The following CUX1 variants were observed in gnomAD, a reference collection of about 807,000 sequenced individuals.
The protein encoded by CUX1 is cut like homeobox 1, also known as protein CASP.
CUX1 carries 31 observed loss-of-function variants against 158.8 expected under a neutral mutation model. The ratio of observed to expected loss-of-function variants is 0.20; its 90% CI spans 0.15 to 0.26. The LOEUF is 0.26. CUX1 is among the 10% of genes least tolerant of loss of function. The pLI, the probability that CUX1 is intolerant of heterozygous loss-of-function variation, is 1.00. For synonymous variants in CUX1, 879 were observed against 862.1 expected (o/e 1.02, Z -0.34); for missense variants, 1,589 against 2,014.6 (o/e 0.79, Z 4.04).
At chr7:101,942,711 C>T (rs1421691760) in intron 2 of CUX1, among the ~76,000 whole-genome samples, 1 of 152,244 alleles carries the variant, frequency 6.6e-6, no homozygotes, top group African/African-American at 2.4e-5. Context: ...AAGTGATCCC[C>T]CTGCGTCGAC....
At chr7:102,169,880 C>CATT (rs1554509939) in intron 9 of CUX1, among the ~76,000 whole-genome samples, 1 of 152,220 alleles carries the variant, frequency 6.6e-6, no homozygotes, top group Non-Finnish European at 1.5e-5. Flanking sequence ...CCAGGATCAG[C>CATT]ATTCAAAACA....
intron 7 of CUX1, 54 bp from the exon 8 acceptor site, chr7:102,115,153 G>T: frequency 6.9e-7 from 1 of 1,446,218 alleles, no homozygotes; most frequent in Non-Finnish European, 9.7e-7. Flanking sequence ...GATTACCTGT[G>T]TATGCATTCT....
At chr7:102,176,390 A>G (rs1792337856) in intron 10 of CUX1, among the ~76,000 whole-genome samples, 1 of 152,076 alleles carries the variant, frequency 6.6e-6, no homozygotes, top group African/African-American at 2.4e-5. Flanking sequence ...GAGGGGGGAC[A>G]GCGGCAAGGA....
intron 11 of CUX1, chr7:102,188,531 G>A (rs1793885243): frequency 6.6e-6 from 1 of 152,222 alleles, no homozygotes; most frequent in African/African-American, 2.4e-5. Context: ...ATCAGGCTGG[G>A]TGGGGTGGCT....
chr7:102,278,662 T>TAAAATAAAATAAA (rs1791803529), intron 18 of CUX1, among the ~76,000 whole-genome samples: 5 of 93,710 alleles, frequency 5.3e-5, no homozygotes, highest in African/African-American at 1.8e-4. Context: ...AATAAAAAAA[T>TAAAATAAAATAAA]AAAATAAAAT....
rs10259347 is a variant in CUX1, at chr7:102,254,241, A to G, written c.*5199A>G. The G allele has an allele frequency of 2.7e-3, 2,634 of 985,312 alleles. 60 individuals are homozygous for G. The African/African-American group carries it at 0.043, about 16-fold the overall frequency. The allele number at this position is 985,312 out of a possible 1,614,324, so 61.0% of individuals were successfully genotyped here. ...CTTTGGTCCGCCTTCCTTTCTGTCC[A>G]GTCCTGCTCAGCTGTTAAGATCCAT... is the stretch of plus-strand genomic sequence containing the variant. On this transcript the variant is annotated 3_prime_UTR_variant, in exon 24 of 24. Transcript: ENST00000292535.
chr7:102,282,987 A>C (rs1792222500), intron 22 of CUX1: 3 of 1,475,046 alleles, frequency 2.0e-6, no homozygotes, highest in Non-Finnish European at 2.8e-6. Context: ...CAACACACAC[A>C]CTCGGCCTCA....
rs146768072 is a variant in CUX1, at chr7:102,054,784, A to C, written c.190-15555A>C. On this transcript the variant is annotated intron_variant, in intron 3 of 23. Transcript: ENST00000292535. ...ATAATTCAAGACCAGCCTGGACAAT[A>C]TAATGAGATCTCATCTCTACAAGAA... Among the ~76,000 whole-genome samples the C allele has an allele frequency of 2.3e-3, 354 of 152,278 alleles. 2 individuals carry two copies. Among genetic ancestry groups the C allele is most frequent in the African/African-American group, 8.2e-3 (342 of 41,548 alleles).
chr7:102,249,762 AC>A lies in CUX1; in HGVS notation c.*721del. 1.0e-6 allele frequency: 1 copy of A among 985,820 alleles called. No individual in the cohort carries two copies. Among genetic ancestry groups the A allele is most frequent in the Non-Finnish European group, 1.2e-6 (1 of 829,898 alleles). 61.1% of individuals were successfully genotyped at this position (985,820 alleles called of 1,614,324 possible). ...GCCACTAAGAGATTGCACAGTCAAA[AC>A]GACTCTAAACACACTAGTTTGGATT... is the stretch of plus-strand genomic sequence containing the variant. On this transcript the variant is annotated 3_prime_UTR_variant, in exon 24 of 24. Transcript: ENST00000292535.
Position 101,820,643 on chromosome 7 carries a change from C to T in CUX1, c.30+2974C>T, listed in dbSNP as rs536741369. On this transcript the variant is annotated intron_variant, in intron 1 of 23. Transcript: ENST00000292535. The stretch of plus-strand genomic sequence containing the variant: ...TGTCCTTTTGTTTTGTCTGAAGCCC[C>T]GCGTTATCGCTGCAGAGAGAGAGTT... 5.9e-5 allele frequency among the ~76,000 whole-genome samples: 9 copies of T among 152,304 alleles called. No individual in the cohort carries two copies. In the South Asian group the frequency reaches 1.4e-3, roughly 25 times the overall value.
intron 2 of CUX1, among the ~76,000 whole-genome samples, chr7:101,992,549 G>T (rs1006313189): frequency 6.6e-6 from 1 of 152,142 alleles, no homozygotes; most frequent in Non-Finnish European, 1.5e-5. Flanking sequence ...CAAGTTGGGT[G>T]GGGGAGGGGT....
At chr7:102,052,033 G>C (rs146308192) in intron 3 of CUX1, among the ~76,000 whole-genome samples, 324 of 152,172 alleles carry the variant, frequency 2.1e-3, no homozygotes, top group Non-Finnish European at 3.1e-3. Flanking sequence ...CCAACATGGC[G>C]AAACCCCGTC....
chr7:102,181,417 G>A (rs75842516), intron 11 of CUX1, among the ~76,000 whole-genome samples: 4,462 of 152,236 alleles, frequency 0.029, 100 homozygotes, highest in Middle Eastern at 0.065. Context: ...GTTAAAGGGC[G>A]TGACTCAGAT....
intron 8 of CUX1, among the ~76,000 whole-genome samples, chr7:102,150,451 C>T (rs537057376): frequency 8.5e-5 from 13 of 152,278 alleles, no homozygotes; most frequent in South Asian, 2.1e-4. Context: ...CCACTGGGCC[C>T]GGCCGAGACT....
At chr7:102,262,936 A>T (rs531291975), downstream of CUX1, among the ~76,000 whole-genome samples, 1 of 152,110 alleles carries the variant, frequency 6.6e-6, no homozygotes, top group African/African-American at 2.4e-5. Context: ...CGTAATAAAT[A>T]AGTGAATGAG....
intron 2 of CUX1, among the ~76,000 whole-genome samples, chr7:101,980,038 A>G (rs1353978862): frequency 6.6e-6 from 1 of 152,158 alleles, no homozygotes; most frequent in African/African-American, 2.4e-5. Flanking sequence ...TGGGTGACAG[A>G]GTGCGGAGAG....
chr7:101,937,396 C>G (rs1161485242), intron 2 of CUX1, among the ~76,000 whole-genome samples: 1 of 152,164 alleles, frequency 6.6e-6, no homozygotes. Flanking sequence ...AAAGATCGCC[C>G]AAGCTTTGGC....
At chr7:101,913,395 G>A in intron 1 of CUX1, 1 of 1,264,144 alleles carries the variant, frequency 7.9e-7, no homozygotes, top group African/African-American at 1.5e-5. Flanking sequence ...ACTGCCAGCA[G>A]CAAGTTGCCG....
chr7:102,196,518 A>T, intron 14 of CUX1, 116 bp from the exon 15 acceptor site: 1 of 1,000,404 alleles, frequency 1.0e-6, no homozygotes, highest in Non-Finnish European at 1.4e-6. Flanking sequence ...TGTAAAAAAA[A>T]CCTGCACTTT....
Sources: allele counts gnomAD v4.1 joint callset (sites outside exome capture counted in the v4.1 genomes callset), GRCh38; gene constraint gnomAD v4.1.1; transcripts MANE v1.5; gene names NCBI Gene and HGNC (gene_info 2026-07-23, HGNC 2026-07-21).